The following PSMA1 variants were observed in gnomAD, a reference collection of about 807,000 sequenced individuals.
PSMA1 encodes proteasome subunit alpha type-1.
In PSMA1, 3 loss-of-function variants were observed where a neutral mutation model predicts 38.4. The observed-to-expected ratio is 0.08, with a 90% CI of 0.04 to 0.20. The LOEUF (loss-of-function observed/expected upper bound fraction) is 0.20. Among genes scored for constraint, PSMA1 ranks in the 10% least tolerant of loss-of-function variants. The pLI, the probability that PSMA1 is intolerant of heterozygous loss-of-function variation, is 1.00. For missense variants in PSMA1, 227 were observed against 325.3 expected (o/e 0.70, Z 2.32); for synonymous variants, 101 against 107.1 (o/e 0.94, Z 0.35).
chr11:14,565,223 G>A (rs1386694077), intron 2 of PSMA1, among the ~76,000 whole-genome samples: 1 of 152,178 alleles, frequency 6.6e-6, no homozygotes. Flanking sequence ...GATGTCTGCA[G>A]GGTCTGTAAT....
At chr11:14,538,296 A>G (rs979841795) in intron 2 of PSMA1, among the ~76,000 whole-genome samples, 4 of 152,342 alleles carry the variant, frequency 2.6e-5, no homozygotes, top group Admixed American at 6.5e-5. Flanking sequence ...AAATTCAAAT[A>G]TTGAATCCCT....
At chr11:14,594,493 G>A (rs1387972875) in intron 2 of PSMA1, among the ~76,000 whole-genome samples, 3 of 152,076 alleles carry the variant, frequency 2.0e-5, no homozygotes, top group African/African-American at 7.2e-5. Flanking sequence ...AAAACATTTC[G>A]TACTCCTTTA....
chr11:14,510,399 TTC>T (rs1851325170), intron 8 of PSMA1, among the ~76,000 whole-genome samples: 1 of 152,174 alleles, frequency 6.6e-6, no homozygotes, highest in Non-Finnish European at 1.5e-5. Context: ...CAATTGGTCA[TTC>T]TTTCTCCTTT....
intron 2 of PSMA1, among the ~76,000 whole-genome samples, chr11:14,592,001 C>T (rs1852421649): frequency 6.6e-6 from 1 of 151,716 alleles, no homozygotes; most frequent in South Asian, 2.1e-4. Context: ...CTCCTGAGCC[C>T]AGCGAGACCA....
At chr11:14,581,818 C>T (rs930923543) in intron 2 of PSMA1, among the ~76,000 whole-genome samples, 4 of 152,198 alleles carry the variant, frequency 2.6e-5, no homozygotes, top group African/African-American at 9.7e-5. Context: ...CTGCTTTCTT[C>T]TATACGAATT....
chr11:14,541,069 C>A (rs1222702337), intron 2 of PSMA1, among the ~76,000 whole-genome samples: 2 of 151,678 alleles, frequency 1.3e-5, no homozygotes, highest in Non-Finnish European at 2.9e-5. Context: ...GAACATGTAC[C>A]CTAGAACTTA....
chr11:14,563,007 T>G (rs1412370560), intron 2 of PSMA1, among the ~76,000 whole-genome samples: 1 of 152,192 alleles, frequency 6.6e-6, no homozygotes, highest in Non-Finnish European at 1.5e-5. Flanking sequence ...ATCTTTCCAG[T>G]TACAAGCAAA....
chr11:14,541,894 T>C (rs1851777108), intron 2 of PSMA1, among the ~76,000 whole-genome samples: 1 of 152,270 alleles, frequency 6.6e-6, no homozygotes, highest in South Asian at 2.1e-4. Context: ...CCATATTTAA[T>C]GGAGCTTTTG....
At chr11:14,599,801 C>G (rs576503888) in intron 2 of PSMA1, among the ~76,000 whole-genome samples, 12 of 152,270 alleles carry the variant, frequency 7.9e-5, no homozygotes, top group African/African-American at 2.6e-4. Context: ...GAGCTGTGTT[C>G]CTTTGGAGGA....
intron 2 of PSMA1, among the ~76,000 whole-genome samples, chr11:14,576,398 T>A (rs1852216094): frequency 1.3e-5 from 2 of 152,182 alleles, no homozygotes; most frequent in Admixed American, 1.3e-4. Flanking sequence ...TCTTCTAGGG[T>A]TTTTATGGTT....
At chr11:14,569,311 G>A (rs1358046582) in intron 2 of PSMA1, among the ~76,000 whole-genome samples, 1 of 152,088 alleles carries the variant, frequency 6.6e-6, no homozygotes, top group Non-Finnish European at 1.5e-5. Context: ...CGCAGAAGAC[G>A]GGTGATTTCC....
intron 2 of PSMA1, among the ~76,000 whole-genome samples, chr11:14,556,240 C>T (rs1467589587): frequency 6.6e-6 from 1 of 152,210 alleles, no homozygotes; most frequent in Non-Finnish European, 1.5e-5. Flanking sequence ...CCTAGCATGA[C>T]TGAAAATGTT....
intron 2 of PSMA1, among the ~76,000 whole-genome samples, chr11:14,591,549 G>A (rs1386088466): frequency 2.6e-5 from 4 of 152,200 alleles, no homozygotes; most frequent in Non-Finnish European, 5.9e-5. Flanking sequence ...GGGCCTTGGA[G>A]AGTCTTTATA....
intron 2 of PSMA1, among the ~76,000 whole-genome samples, chr11:14,597,768 A>G (rs1852519291): frequency 6.6e-6 from 1 of 151,696 alleles, no homozygotes; most frequent in Non-Finnish European, 1.5e-5. Context: ...CTCTGATCTT[A>G]GTTATTTCTT....
chr11:14,631,234 T>G (rs1853003949), intron 1 of PSMA1, among the ~76,000 whole-genome samples: 1 of 152,204 alleles, frequency 6.6e-6, no homozygotes, highest in African/African-American at 2.4e-5. Flanking sequence ...CTCTTGCTTT[T>G]CTAGTTCTTT....
intron 2 of PSMA1, among the ~76,000 whole-genome samples, chr11:14,594,421 G>C (rs529338663): frequency 1.3e-5 from 2 of 152,090 alleles, no homozygotes; most frequent in Non-Finnish European, 2.9e-5. Context: ...CACAGGGAAG[G>C]GGGGGGTTCA....
chr11:14,572,576 T>A (rs1265461072), intron 2 of PSMA1, among the ~76,000 whole-genome samples: 1 of 152,102 alleles, frequency 6.6e-6, no homozygotes, highest in African/African-American at 2.4e-5. Flanking sequence ...AGATCTAAAA[T>A]TGACACCCTA....
At chr11:14,638,565 A>G (rs1565065465) in intron 1 of PSMA1, among the ~76,000 whole-genome samples, 1 of 14,224 alleles carries the variant, frequency 7.0e-5, no homozygotes, top group Non-Finnish European at 1.2e-4. Flanking sequence ...ATATATATAT[A>G]TATATATATA....
intron 2 of PSMA1, among the ~76,000 whole-genome samples, chr11:14,606,142 C>T (rs1852639811): frequency 6.6e-6 from 1 of 152,212 alleles, no homozygotes; most frequent in Non-Finnish European, 1.5e-5. Flanking sequence ...AGAGTCCTTT[C>T]CTCATTGCTT....
Sources: allele counts gnomAD v4.1 joint callset (sites outside exome capture counted in the v4.1 genomes callset), GRCh38; gene constraint gnomAD v4.1.1; transcripts MANE v1.5; gene names NCBI Gene and HGNC (gene_info 2026-07-23, HGNC 2026-07-21).